SYT2: variants seen among roughly 807,000 people sequenced by gnomAD.
The protein encoded by SYT2 is synaptotagmin-2.
In SYT2, 15 loss-of-function variants were observed where a neutral mutation model predicts 39.9. The observed-to-expected ratio is 0.38, with a 90% confidence interval of 0.25 to 0.58. SYT2 has a LOEUF of 0.58. Among genes scored for constraint, SYT2 ranks in the 20% least tolerant of loss-of-function variants. The pLI is 0.70. For missense variants in SYT2, 389 were observed against 530.3 expected (o/e 0.73, Z 2.62); for synonymous variants, 181 against 204.5 (o/e 0.89, Z 0.98).
intron 1 of SYT2, among the ~76,000 whole-genome samples, chr1:202,665,413 G>T (rs772677996): frequency 6.6e-6 from 1 of 152,068 alleles, no homozygotes; most frequent in Non-Finnish European, 1.5e-5. Context: ...ATGACAAGGC[G>T]CCTGACCTCA....
At chr1:202,705,349 G>A (rs1654222003) in intron 1 of SYT2, among the ~76,000 whole-genome samples, 2 of 152,264 alleles carry the variant, frequency 1.3e-5, no homozygotes, top group Non-Finnish European at 2.9e-5. Flanking sequence ...GAGCAGGGGA[G>A]CAGGAGGCGC....
Position 202,689,881 on chromosome 1 carries a change from C to G in SYT2, c.-18+20377G>C, listed in dbSNP as rs368866325. ...TTCCCCCTCCCCTGTAAAGTACTTCCCCCGGAAGTGCCCCCCTATCACCCC... is the reference window on the plus strand; with the variant it reads ...TTCCCCCTCCCCTGTAAAGTACTTCGCCCGGAAGTGCCCCCCTATCACCCC... On this transcript the variant is annotated intron_variant, in intron 1 of 8. Coordinates refer to ENST00000367268, the MANE Select transcript of SYT2 (RefSeq NM_177402.5). 4.3e-3 allele frequency among the ~76,000 whole-genome samples: 646 copies of G among 151,796 alleles called. 4 individuals are homozygous for G. The highest frequency in any genetic ancestry group is 0.014 in the African/African-American group (595 of 41,318).
intron 1 of SYT2, among the ~76,000 whole-genome samples, chr1:202,659,739 C>G (rs951687735): frequency 6.6e-6 from 1 of 152,160 alleles, no homozygotes; most frequent in African/African-American, 2.4e-5. Context: ...CTCTTGGGCA[C>G]AGATGGTTCT....
chr1:202,615,362 A>G (rs934430417), intron 1 of SYT2, among the ~76,000 whole-genome samples: 10 of 152,098 alleles, frequency 6.6e-5, no homozygotes, highest in African/African-American at 1.2e-4. Context: ...CACCCAGTAC[A>G]TGGCACCAGG....
intron 1 of SYT2, among the ~76,000 whole-genome samples, chr1:202,652,591 C>T (rs906311545): frequency 1.2e-4 from 18 of 152,144 alleles, no homozygotes; most frequent in African/African-American, 4.1e-4. Flanking sequence ...GCTGGGCCCT[C>T]GCAACTTCTC....
intron 1 of SYT2, among the ~76,000 whole-genome samples, chr1:202,675,091 G>A (rs1285886220): frequency 6.6e-6 from 1 of 152,176 alleles, no homozygotes. Flanking sequence ...GTGCACAGGA[G>A]GGCCCAGTAG....
intron 1 of SYT2, among the ~76,000 whole-genome samples, chr1:202,624,945 AGT>A (rs1394057734): frequency 6.7e-6 from 1 of 148,888 alleles, no homozygotes. Context: ...GTGTTTGTGT[AGT>A]GTGTGTGGTG....
At chr1:202,602,277 C>A in intron 5 of SYT2, 101 bp downstream of exon 5, 1 of 1,387,668 alleles carries the variant, frequency 7.2e-7, no homozygotes, top group Non-Finnish European at 1.0e-6. Context: ...TGCCATTGTT[C>A]CAGGCTGAGC....
intron 1 of SYT2, among the ~76,000 whole-genome samples, chr1:202,674,322 G>A (rs1653283473): frequency 6.6e-6 from 1 of 152,002 alleles, no homozygotes; most frequent in Non-Finnish European, 1.5e-5. Flanking sequence ...GGCTGGTCTC[G>A]AACTCCTGAC....
At chr1:202,622,163 C>T (rs1416151492) in intron 1 of SYT2, among the ~76,000 whole-genome samples, 1 of 152,148 alleles carries the variant, frequency 6.6e-6, no homozygotes, top group African/African-American at 2.4e-5. Flanking sequence ...CACCTGTCAC[C>T]GAAGCTCACA....
intron 1 of SYT2, among the ~76,000 whole-genome samples, chr1:202,662,440 A>C (rs1244030674): frequency 6.6e-6 from 1 of 152,250 alleles, no homozygotes; most frequent in Non-Finnish European, 1.5e-5. Flanking sequence ...ACAGCACATC[A>C]ATTACTAAAA....
intron 1 of SYT2, among the ~76,000 whole-genome samples, chr1:202,665,709 G>A (rs1692469701): frequency 6.6e-6 from 1 of 152,082 alleles, no homozygotes; most frequent in Non-Finnish European, 1.5e-5. Flanking sequence ...CTCCTCATTT[G>A]CTCTTCTCTC....
chr1:202,695,254 T>C (rs1310219247), intron 1 of SYT2, among the ~76,000 whole-genome samples: 1 of 152,088 alleles, frequency 6.6e-6, no homozygotes, highest in Non-Finnish European at 1.5e-5. Context: ...TGACCCCTGG[T>C]AACAACAAAA....
chr1:202,601,352 A>G lies in SYT2; in HGVS notation c.801+538T>C, dbSNP rs1212804725. 6.6e-6 allele frequency among the ~76,000 whole-genome samples: 1 copy of G among 152,238 alleles called. No individual in the cohort carries two copies. Among genetic ancestry groups the G allele is most frequent in the South Asian group, 2.1e-4 (1 of 4,836 alleles). ...CCTCCATCACTGCCTAGAGTGTGCC[A>G]GGTAGCAGGGCCCTGGCCAAGACAA... On this transcript the variant is annotated intron_variant, in intron 6 of 8. Transcript: ENST00000367268. This position sits in a 1 kb window ranked among gnomAD's most constrained non-coding sequence, Gnocchi z 4.0.
chr1:202,689,180 C>T (rs554725979), intron 1 of SYT2, among the ~76,000 whole-genome samples: 1 of 152,156 alleles, frequency 6.6e-6, no homozygotes, highest in Non-Finnish European at 1.5e-5. Flanking sequence ...CCACTCTTAG[C>T]CCCCTACTCC....
chr1:202,662,700 G>A (rs182412450), intron 1 of SYT2, among the ~76,000 whole-genome samples: 9 of 152,314 alleles, frequency 5.9e-5, no homozygotes, highest in Admixed American at 3.9e-4. Flanking sequence ...TACAGGCTTT[G>A]GCATTACACA....
intron 1 of SYT2, among the ~76,000 whole-genome samples, chr1:202,606,408 C>A (rs1312949915): frequency 6.6e-6 from 1 of 152,172 alleles, no homozygotes; most frequent in Non-Finnish European, 1.5e-5. Context: ...CCTCTTTCAA[C>A]CTCTCTCCTT....
At chr1:202,683,010 T>C (rs1373369221) in intron 1 of SYT2, among the ~76,000 whole-genome samples, 1 of 152,172 alleles carries the variant, frequency 6.6e-6, no homozygotes, top group Non-Finnish European at 1.5e-5. Context: ...TCAATTATTT[T>C]AGTCATCAGG....
rs551648340 is a variant in SYT2 at position 202,679,854 on chromosome 1, C to G, written c.-18+30404G>C. ...CTTCAACCCCTCCCAGGCCCTCACT[C>G]AGATTCCAGGCTTCCTTCAGCCCTC... On this transcript the variant is annotated intron_variant, in intron 1 of 8. Transcript: ENST00000367268. Among the ~76,000 whole-genome samples, 7 of 152,360 alleles carry G rather than the reference C, an allele frequency of 4.6e-5. No homozygotes were observed. In the East Asian group the frequency reaches 1.3e-3, roughly 29 times the overall value.
Sources: gnomAD v4.1 joint callset for allele counts (sites outside exome capture counted in the v4.1 genomes callset) on GRCh38, gnomAD v4.1.1 for gene constraint, Gnocchi (gnomAD v3.1) non-coding constraint, MANE v1.5 for transcripts, NCBI Gene and HGNC (gene_info 2026-07-23, HGNC 2026-07-21) for gene names.